COL4A4: variants seen among roughly 807,000 people sequenced by gnomAD.
COL4A4 encodes the protein collagen alpha-4(IV) chain.
In COL4A4, 105 loss-of-function variants were observed where a neutral mutation model predicts 192.9. The ratio of observed to expected loss-of-function variants is 0.54; its 90% confidence interval spans 0.46 to 0.64. The LOEUF is 0.64. COL4A4 is among the 30% of genes least tolerant of loss of function. The pLI is 0.00. For missense variants in COL4A4, 1,967 were observed against 2,169.3 expected, an observed-to-expected ratio of 0.91 and a Z score of 1.85; for synonymous variants, 762 against 769.9, an observed-to-expected ratio of 0.99 and a Z score of 0.17.
intron 4 of COL4A4, among the ~76,000 whole-genome samples, chr2:227,137,637 T>G (rs1350533342): frequency 6.6e-6 from 1 of 152,198 alleles, no homozygotes; most frequent in Non-Finnish European, 1.5e-5. Context: ...ACTTCTGGTC[T>G]CTACTTGCTG....
Position 227,124,764 on chromosome 2 carries a change from G to A in COL4A4, c.193-3616C>T, listed in dbSNP as rs556557093. Among the ~76,000 whole-genome samples, 7 of 152,288 alleles carry A rather than the reference G, an allele frequency of 4.6e-5. 1 individual carries two copies. In the South Asian group the frequency reaches 1.5e-3, roughly 32 times the overall value. ...AACAATGACTTCAGAGCACCTTTCT[G>A]TCTAACCTGTGTTAGAAATAAGATT... On this transcript the variant is annotated intron_variant, in intron 4 of 47. Transcript: ENST00000396625.
the COL4A4 span, chr2:226,995,779 T>A: frequency 2.1e-6 from 1 of 475,182 alleles, no homozygotes; most frequent in South Asian, 3.5e-5. Context: ...GTTTCCACGC[T>A]CCCATCTCTC....
intron 32 of COL4A4, among the ~76,000 whole-genome samples, chr2:227,051,626 A>T (rs929411678): frequency 6.6e-5 from 10 of 152,194 alleles, no homozygotes; most frequent in African/African-American, 2.4e-4. Context: ...GCTGCCCCAG[A>T]GCTGCTGAAT....
At chr2:227,018,932 C>CAAAGAGAATCTTGTTCTTGTTG (rs1965458571) in intron 44 of COL4A4, among the ~76,000 whole-genome samples, 1 of 151,998 alleles carries the variant, frequency 6.6e-6, no homozygotes, top group African/African-American at 2.4e-5. Context: ...TGTTCTTGTT[C>CAAAGAGAATCTTGTTCTTGTTG]ATGTCAAAGA....
At chr2:227,036,401 T>C (rs1313646140) in intron 37 of COL4A4, among the ~76,000 whole-genome samples, 21 of 152,168 alleles carry the variant, frequency 1.4e-4, no homozygotes, top group Admixed American at 1.3e-3. Flanking sequence ...CGTGTCCCTG[T>C]TTGCCTGCGA....
chr2:227,041,900 A>AAGAAAGAAAGAAAGAAAGAAAG (rs1971492619), intron 37 of COL4A4, among the ~76,000 whole-genome samples: 9 of 150,236 alleles, frequency 6.0e-5, no homozygotes, highest in African/African-American at 2.2e-4. Context: ...GAAAGAAAGA[A>AAGAAAGAAAGAAAGAAAGAAAG]AGAAAGAAAG....
At chr2:227,068,906 G>A (rs1339400518) in intron 25 of COL4A4, among the ~76,000 whole-genome samples, 430 of 150,380 alleles carry the variant, frequency 2.9e-3, no homozygotes, top group African/African-American at 9.9e-3. Flanking sequence ...GTATTCAATT[G>A]GGAAAAGAGG....
intron 17 of COL4A4, among the ~76,000 whole-genome samples, chr2:227,101,088 T>A (rs375727962): frequency 1.3e-3 from 203 of 152,214 alleles, no homozygotes; most frequent in Non-Finnish European, 2.4e-3. Context: ...GATTACAGGC[T>A]TGAGCCACCA....
the COL4A4 span, among the ~76,000 whole-genome samples, chr2:226,991,544 A>C: frequency 2.6e-5 from 4 of 152,192 alleles, no homozygotes; most frequent in Non-Finnish European, 5.9e-5. Flanking sequence ...TTAGCACATG[A>C]TTCTTGATGA....
chr2:226,983,936 G>A, the COL4A4 span, among the ~76,000 whole-genome samples: 3 of 152,180 alleles, frequency 2.0e-5, no homozygotes, highest in Non-Finnish European at 4.4e-5. Flanking sequence ...TGGGCAAAAC[G>A]CAATGGTGTG....
chr2:227,001,861 A>C (rs186991766), downstream of COL4A4, among the ~76,000 whole-genome samples: 604 of 152,270 alleles, frequency 4.0e-3, 2 homozygotes, highest in Middle Eastern at 0.031. Context: ...AATACCAATG[A>C]AGTTCCTTCC....
intron 25 of COL4A4, among the ~76,000 whole-genome samples, chr2:227,071,219 A>G (rs2058703032): frequency 1.3e-5 from 2 of 152,190 alleles, no homozygotes; most frequent in Admixed American, 6.6e-5. Flanking sequence ...TATTCCATGC[A>G]GATAGAAACC....
intron 15 of COL4A4, among the ~76,000 whole-genome samples, chr2:227,102,307 T>G (rs1882437): frequency 0.64 from 96,812 of 152,098 alleles, 30,816 homozygotes; most frequent in Middle Eastern, 0.72. Flanking sequence ...AACCAATATT[T>G]CCCCATTCAG....
chr2:226,978,642 C>T, the COL4A4 span, among the ~76,000 whole-genome samples: 1 of 152,162 alleles, frequency 6.6e-6, no homozygotes, highest in Admixed American at 6.5e-5. Context: ...CTGTCCTTGC[C>T]CCCATGGAGC....
chr2:227,065,706 A>G (rs1015181388), intron 25 of COL4A4, among the ~76,000 whole-genome samples: 4 of 152,252 alleles, frequency 2.6e-5, no homozygotes, highest in African/African-American at 7.2e-5. Flanking sequence ...AAGGACATCT[A>G]CACCAAAAAC....
chr2:227,101,788 A>C, intron 16 of COL4A4, 77 bp downstream of exon 16: 1 of 1,223,258 alleles, frequency 8.2e-7, no homozygotes, highest in Non-Finnish European at 1.2e-6. Context: ...TGCACGCAAC[A>C]GTACAACTTC....
At chr2:227,131,909 A>C in intron 4 of COL4A4, among the ~76,000 whole-genome samples, 1 of 152,236 alleles carries the variant, frequency 6.6e-6, no homozygotes. Context: ...AAGGAGTGGA[A>C]GGAGGCAAGG....
At chr2:227,101,037 TG>T (rs1403008076) in intron 17 of COL4A4, among the ~76,000 whole-genome samples, 2 of 152,182 alleles carry the variant, frequency 1.3e-5, no homozygotes, top group Non-Finnish European at 2.9e-5. Context: ...CTCGATCTCC[TG>T]ACCTCATGAT....
intron 9 of COL4A4, among the ~76,000 whole-genome samples, chr2:227,110,802 C>T (rs2061156531): frequency 6.6e-6 from 1 of 151,078 alleles, no homozygotes; most frequent in African/African-American, 2.4e-5. Flanking sequence ...CCTGGCTTAG[C>T]CTCCTGAGTA....
Sources: allele counts gnomAD v4.1 joint callset (sites outside exome capture counted in the v4.1 genomes callset), GRCh38; gene constraint gnomAD v4.1.1; transcripts MANE v1.5; gene names NCBI Gene and HGNC (gene_info 2026-07-23, HGNC 2026-07-21).